Variants in NRG3 observed in about 807,000 individuals in gnomAD.
The protein encoded by NRG3 is pro-neuregulin-3, membrane-bound isoform.
In NRG3, 31 loss-of-function variants were observed where a neutral mutation model predicts 66.9. The observed-to-expected ratio is 0.46, with a 90% CI of 0.35 to 0.63. NRG3 has a LOEUF of 0.63. NRG3 is among the 20% of genes least tolerant of loss of function. NRG3 has a pLI of 0.00. For missense variants in NRG3, 910 were observed against 878.9 expected (o/e 1.04, Z -0.45); for synonymous variants, 393 against 359.4 (o/e 1.09, Z -1.06).
At chr10:82,183,441 G>T (rs1274066840) in intron 1 of NRG3, among the ~76,000 whole-genome samples, 1 of 151,874 alleles carries the variant, frequency 6.6e-6, no homozygotes, top group East Asian at 1.9e-4. Flanking sequence ...AACCATTCTA[G>T]TGAATTTTTC....
intron 1 of NRG3, among the ~76,000 whole-genome samples, chr10:82,148,391 T>TTA (rs2070421239): frequency 6.6e-6 from 1 of 152,138 alleles, no homozygotes; most frequent in Non-Finnish European, 1.5e-5. Context: ...TTCTAACCCA[T>TTA]GGTTGATACT....
At chr10:82,822,932 G>A (rs2062016129) in intron 3 of NRG3, among the ~76,000 whole-genome samples, 3 of 152,152 alleles carry the variant, frequency 2.0e-5, no homozygotes, top group African/African-American at 2.4e-5. Flanking sequence ...GTACTCTCAA[G>A]TATATAGCGG....
intron 2 of NRG3, among the ~76,000 whole-genome samples, chr10:82,558,955 TA>T (rs543838192): frequency 2.0e-4 from 31 of 152,234 alleles, no homozygotes; most frequent in African/African-American, 7.5e-4. Context: ...ATTAAATATA[TA>T]AAAAACATAA....
intron 1 of NRG3, among the ~76,000 whole-genome samples, chr10:82,219,124 T>G (rs1459000528): frequency 1.3e-5 from 2 of 151,800 alleles, no homozygotes; most frequent in African/African-American, 2.4e-5. Context: ...ATTTCATCTT[T>G]AGCCATCAGT....
At chr10:82,007,220 T>C (rs983495785) in intron 1 of NRG3, among the ~76,000 whole-genome samples, 2 of 149,466 alleles carry the variant, frequency 1.3e-5, no homozygotes, top group African/African-American at 4.9e-5. Flanking sequence ...TCTTTTTTTT[T>C]TTTTTTTGAG....
At chr10:81,936,831 T>C (rs1239194249) in intron 1 of NRG3, among the ~76,000 whole-genome samples, 1 of 152,054 alleles carries the variant, frequency 6.6e-6, no homozygotes, top group Admixed American at 6.6e-5. Context: ...ATGTGTAAAT[T>C]GTGTTTAAAA....
At chr10:82,647,488 A>G (rs944330240) in intron 2 of NRG3, among the ~76,000 whole-genome samples, 4 of 152,220 alleles carry the variant, frequency 2.6e-5, no homozygotes, top group African/African-American at 9.6e-5. Flanking sequence ...TCTTTATAGC[A>G]GCATGATTTA....
intron 1 of NRG3, among the ~76,000 whole-genome samples, chr10:82,084,002 C>T (rs956607448): frequency 4.0e-5 from 6 of 151,074 alleles, no homozygotes; most frequent in Non-Finnish European, 7.4e-5. Flanking sequence ...CTGAGGCGGG[C>T]GGATTATCTG....
chr10:82,870,454 G>A (rs1468890174), intron 4 of NRG3, among the ~76,000 whole-genome samples: 1 of 152,136 alleles, frequency 6.6e-6, no homozygotes, highest in South Asian at 2.1e-4. Context: ...GTACCAAAAA[G>A]CATGACTGCT....
intron 1 of NRG3, among the ~76,000 whole-genome samples, chr10:81,930,760 G>T (rs1847265961): frequency 6.6e-6 from 1 of 152,168 alleles, no homozygotes; most frequent in South Asian, 2.1e-4. Flanking sequence ...GGCACCAGTG[G>T]TGCAGACTGA....
intron 1 of NRG3, among the ~76,000 whole-genome samples, chr10:81,939,260 G>A (rs1339349205): frequency 2.0e-5 from 3 of 151,912 alleles, no homozygotes; most frequent in East Asian, 3.9e-4. Context: ...TCTTGTTTTG[G>A]TATTAGGGTA....
chr10:82,100,296 A>T (rs2066647847), intron 1 of NRG3, among the ~76,000 whole-genome samples: 1 of 152,044 alleles, frequency 6.6e-6, no homozygotes, highest in African/African-American at 2.4e-5. Flanking sequence ...TGAACTTCCT[A>T]TGTAGACAAT....
chr10:82,469,468 G>GGTGGTGGTGGTGGTCATGGTGGC lies in NRG3; in HGVS notation c.953+110607_953+110629dup, dbSNP rs1299273826. ...GGAGACAGAGATGCCTCTTAGTGGTGGTGGTGGTGGTGGTCATGGTGGCGT... is the reference window on the plus strand; with the variant it reads ...GGAGACAGAGATGCCTCTTAGTGGTGGTGGTGGTGGTGGTCATGGTGGCGTGGTGGTGGTGGTCATGGTGGCGT... On this transcript the variant is annotated intron_variant, in intron 2 of 8. Transcript: ENST00000372141. 4.9e-3 allele frequency among the ~76,000 whole-genome samples: 751 copies of GGTGGTGGTGGTGGTCATGGTGGC among 152,218 alleles called. 4 individuals are homozygous for GGTGGTGGTGGTGGTCATGGTGGC. The highest frequency in any genetic ancestry group is 0.017 in the African/African-American group (723 of 41,496).
chr10:82,441,809 G>T (rs928282538), intron 2 of NRG3, among the ~76,000 whole-genome samples: 2 of 152,200 alleles, frequency 1.3e-5, no homozygotes, highest in African/African-American at 4.8e-5. Flanking sequence ...GCCTGCTGTG[G>T]TGACCAATCA....
At chr10:82,809,287 G>A (rs2061405033) in intron 3 of NRG3, among the ~76,000 whole-genome samples, 1 of 151,936 alleles carries the variant, frequency 6.6e-6, no homozygotes, top group Admixed American at 6.6e-5. Context: ...CAAAGTAGAA[G>A]ATATGGGATT....
intron 2 of NRG3, among the ~76,000 whole-genome samples, chr10:82,494,962 A>G (rs1354939101): frequency 1.3e-5 from 2 of 150,596 alleles, no homozygotes; most frequent in Non-Finnish European, 3.0e-5. Context: ...AATTTTTGAG[A>G]CAGTGTCTTG....
chr10:82,234,235 A>C (rs1418776000), intron 1 of NRG3, among the ~76,000 whole-genome samples: 1 of 152,090 alleles, frequency 6.6e-6, no homozygotes, highest in Non-Finnish European at 1.5e-5. Context: ...CTCCAATACC[A>C]ATGGTCTTTT....
chr10:82,065,770 C>T (rs1312089212), intron 1 of NRG3, among the ~76,000 whole-genome samples: 4 of 152,142 alleles, frequency 2.6e-5, no homozygotes, highest in Non-Finnish European at 5.9e-5. Context: ...TGAACAGATT[C>T]ATCCCTAGTT....
chr10:82,493,269 C>T (rs762188238), intron 2 of NRG3, among the ~76,000 whole-genome samples: 2 of 152,074 alleles, frequency 1.3e-5, no homozygotes, highest in Non-Finnish European at 2.9e-5. Context: ...TTTCCTAATG[C>T]TCTCCCTACC....
Sources: gnomAD v4.1 joint callset for allele counts (sites outside exome capture counted in the v4.1 genomes callset) on GRCh38, gnomAD v4.1.1 for gene constraint, MANE v1.5 for transcripts, NCBI Gene and HGNC (gene_info 2026-07-23, HGNC 2026-07-21) for gene names.